The following PTPN4 variants were observed in gnomAD, a reference collection of about 807,000 sequenced individuals.
PTPN4 encodes protein tyrosine phosphatase non-receptor type 4, also known as tyrosine-protein phosphatase non-receptor type 4.
In PTPN4, 49 loss-of-function variants were observed where a neutral mutation model predicts 135.5. That is an observed-to-expected ratio of 0.36 (90% CI 0.29 to 0.46). PTPN4 has a LOEUF of 0.46. PTPN4 is among the 20% of genes least tolerant of loss of function. The pLI is 1.00. For missense variants in PTPN4, 860 were observed against 1,101.0 expected (o/e 0.78, Z 3.10); for synonymous variants, 333 against 369.9 (o/e 0.90, Z 1.14).
At chr2:119,930,196 A>C (rs909826177) in intron 13 of PTPN4, among the ~76,000 whole-genome samples, 10 of 152,142 alleles carry the variant, frequency 6.6e-5, no homozygotes, top group African/African-American at 2.4e-4. Flanking sequence ...TCACACCTAA[A>C]TTACTTTGAA....
At chr2:119,969,381 A>G (rs1377736970) in intron 26 of PTPN4, among the ~76,000 whole-genome samples, 1 of 152,106 alleles carries the variant, frequency 6.6e-6, no homozygotes, top group Non-Finnish European at 1.5e-5. Flanking sequence ...CTCAGATCCC[A>G]CATTTGCCAT....
intron 1 of PTPN4, among the ~76,000 whole-genome samples, chr2:119,808,593 A>C (rs1691525168): frequency 6.6e-6 from 1 of 152,118 alleles, no homozygotes; most frequent in East Asian, 1.9e-4. Context: ...AATTTTTAAA[A>C]CATTCTTTTT....
rs1234763614 is a variant in PTPN4 at position 119,983,806 on chromosome 2, CTG to C, written c.*6740_*6741del. The C allele has an allele frequency of 9.9e-5, 15 of 152,264 alleles. No homozygotes were observed. The East Asian group carries it at 2.9e-3, about 29-fold the overall frequency. The allele number at this position is 152,264 out of a possible 1,614,324, so 9.4% of individuals were successfully genotyped here. On this transcript the variant is annotated 3_prime_UTR_variant, in exon 27 of 27. Coordinates refer to ENST00000263708, the MANE Select transcript of PTPN4 (RefSeq NM_002830.4). ...AGCACAATAAAGGATAACCAGTTGA[CTG>C]TGTTACTGGACTCTGAGTTCTCACA...
chr2:119,768,808 C>T (rs1690684617), intron 1 of PTPN4, among the ~76,000 whole-genome samples: 1 of 152,186 alleles, frequency 6.6e-6, no homozygotes, highest in Non-Finnish European at 1.5e-5. Context: ...TTTTTCCCCT[C>T]ATTTAATCAG....
intron 12 of PTPN4, 63 bp downstream of exon 12, chr2:119,920,304 G>A: frequency 6.7e-7 from 1 of 1,484,292 alleles, no homozygotes; most frequent in Non-Finnish European, 9.1e-7. Flanking sequence ...TTAAAATAAA[G>A]ATGTAGTTTA....
intron 12 of PTPN4, among the ~76,000 whole-genome samples, chr2:119,921,620 C>CT (rs35311873): frequency 0.32 from 46,287 of 144,514 alleles, 8,457 homozygotes; most frequent in East Asian, 0.47. Flanking sequence ...CGTTTAACTC[C>CT]TTTTTTTTTT....
Position 119,977,059 on chromosome 2 carries a change from A to G in PTPN4, c.2770A>G (p.Thr924Ala), listed in dbSNP as rs3189128. Residue 924 changes from threonine to alanine, a missense_variant, in exon 27 of 27, where the codon ACA becomes GCA. By Grantham distance (58) the Thr-to-Ala change is moderately conservative. This residue lies in a region of PTPN4 where 176 missense variants were observed against 294.1 expected (regional missense o/e 0.60). Transcript: ENST00000263708. ...CTTTGTTAAACCCTTAACAACATCA[A>G]CAAATAAATAAGAAAGCAAAAAGAT... ...EGFVKPLTTS[T>A]NK 1.3e-6 allele frequency: 2 copies of G among 1,594,268 alleles called. No homozygotes were observed. Among genetic ancestry groups the G allele is most frequent in the African/African-American group, 2.7e-5 (2 of 73,378 alleles).
intron 2 of PTPN4, among the ~76,000 whole-genome samples, chr2:119,854,667 G>A (rs1012766712): frequency 6.6e-6 from 1 of 152,146 alleles, no homozygotes; most frequent in African/African-American, 2.4e-5. Flanking sequence ...AAAACAATTT[G>A]AGTTATAGTA....
intron 9 of PTPN4, among the ~76,000 whole-genome samples, chr2:119,896,273 G>A (rs1402792875): frequency 6.6e-6 from 1 of 152,018 alleles, no homozygotes; most frequent in African/African-American, 2.4e-5. Context: ...TGGTCTTGCT[G>A]TTGTTTAGTT....
chr2:119,871,786 G>T (rs1677914155), intron 3 of PTPN4, among the ~76,000 whole-genome samples: 1 of 152,106 alleles, frequency 6.6e-6, no homozygotes, highest in African/African-American at 2.4e-5. Flanking sequence ...AAAACAAAAG[G>T]ATAAACGATC....
intron 1 of PTPN4, among the ~76,000 whole-genome samples, chr2:119,790,024 G>A (rs1465299187): frequency 6.6e-6 from 1 of 151,982 alleles, no homozygotes; most frequent in African/African-American, 2.4e-5. Context: ...CACTGCACCT[G>A]GCCACCTGTT....
chr2:119,955,052 A>G (rs1259086672), intron 19 of PTPN4, 105 bp from the exon 20 acceptor site: 2 of 1,068,414 alleles, frequency 1.9e-6, no homozygotes, highest in Non-Finnish European at 2.6e-6. Context: ...TCACAAATGA[A>G]TTATTTTTTG....
intron 2 of PTPN4, among the ~76,000 whole-genome samples, chr2:119,845,235 AGAGGGAGAGGGGGAGGGG>A (rs1462943480): frequency 0.057 from 2,606 of 45,414 alleles, 73 homozygotes; most frequent in South Asian, 0.077. Flanking sequence ...GACCGTGGGG[AGAGGGAGAGGGGGAGGGG>A]GAGGGGGAGG....
intron 15 of PTPN4, among the ~76,000 whole-genome samples, chr2:119,938,169 C>T (rs1329916015): frequency 6.7e-6 from 1 of 148,634 alleles, no homozygotes; most frequent in Admixed American, 6.7e-5. Context: ...ACTCTGTCGC[C>T]CAGGCTGGAG....
At chr2:119,946,936 A>T (rs1052157966) in intron 18 of PTPN4, among the ~76,000 whole-genome samples, 4 of 152,104 alleles carry the variant, frequency 2.6e-5, no homozygotes, top group Non-Finnish European at 5.9e-5. Flanking sequence ...ATACTTGCCT[A>T]TGCACTCCTT....
intron 2 of PTPN4, among the ~76,000 whole-genome samples, chr2:119,840,035 A>C (rs530707615): frequency 6.6e-6 from 1 of 152,268 alleles, no homozygotes; most frequent in South Asian, 2.1e-4. Context: ...TTATTTAAAT[A>C]CTTTTTTTTC....
At chr2:119,814,942 C>CT (rs1245378801) in intron 2 of PTPN4, among the ~76,000 whole-genome samples, 2 of 151,958 alleles carry the variant, frequency 1.3e-5, no homozygotes, top group Non-Finnish European at 1.5e-5. Flanking sequence ...TTTTGAAATC[C>CT]TTTTTTTCTA....
At chr2:119,949,633 G>A (rs896117908) in intron 18 of PTPN4, among the ~76,000 whole-genome samples, 2 of 152,074 alleles carry the variant, frequency 1.3e-5, no homozygotes, top group Non-Finnish European at 1.5e-5. Context: ...TTGAGCTCAG[G>A]AGTTGAAGAC....
chr2:119,830,246 TC>T (rs1677199472), intron 2 of PTPN4, among the ~76,000 whole-genome samples: 1 of 152,168 alleles, frequency 6.6e-6, no homozygotes, highest in Non-Finnish European at 1.5e-5. Context: ...TATGTGGATA[TC>T]TTTTTGTCTC....
Sources: allele counts gnomAD v4.1 joint callset (sites outside exome capture counted in the v4.1 genomes callset), GRCh38; gene constraint gnomAD v4.1.1; regional missense constraint gnomAD v4.1.1; transcripts MANE v1.5; gene names NCBI Gene and HGNC (gene_info 2026-07-23, HGNC 2026-07-21).